Variants in ZNF45 observed in about 807,000 individuals in gnomAD.
ZNF45 encodes the protein zinc finger protein 45.
In ZNF45, 4 loss-of-function variants were observed where a neutral mutation model predicts 12.0. That is an observed-to-expected ratio of 0.33 (90% confidence interval 0.16 to 0.76). The LOEUF (loss-of-function observed/expected upper bound fraction) is 0.76. Ranked by LOEUF, ZNF45 falls within the 30% of genes least tolerant of loss-of-function variation. The probability of loss-of-function intolerance (pLI) is 0.60; values close to 1 mark genes in which losing one functional copy is unlikely to be tolerated. For missense variants in ZNF45, 700 were observed against 813.0 expected, an observed-to-expected ratio of 0.86 and a Z score of 1.69; for synonymous variants, 272 against 279.6, an observed-to-expected ratio of 0.97 and a Z score of 0.27.
Position 43,914,267 on chromosome 19 carries a change from C to T in ZNF45, c.1169G>A (p.Cys390Tyr). The change falls in exon 10 of 10, where the codon TGT becomes TAT. Residue 390 changes from cysteine (C) to tyrosine (Y), a missense_variant. Physicochemically the swap from Cys to Tyr is radical, Grantham distance 194. Coordinates refer to ENST00000269973, the MANE Select transcript of ZNF45 (RefSeq NM_003425.4). ...GCAGAAGCCTTTCCCACACTCCTCA[C>T]ATTTGTATGGCTTCTCTCCAGTGTG... ...ISHTGEKPYK[C>Y]EECGKGFCRA... The T allele has an allele frequency of 6.2e-7, 1 of 1,613,434 alleles. No homozygotes were observed. Among genetic ancestry groups the T allele is most frequent in the Non-Finnish European group, 8.5e-7 (1 of 1,179,562 alleles).
chr19:43,918,221 C>T (rs1972848712), intron 9 of ZNF45, among the ~76,000 whole-genome samples: 1 of 152,090 alleles, frequency 6.6e-6, no homozygotes, highest in African/African-American at 2.4e-5. Context: ...CTATGAGAAC[C>T]TTTATTCTAA....
chr19:43,925,599 C>T (rs752250740), intron 3 of ZNF45, 141 bp from the exon 4 acceptor site: 1 of 152,120 alleles, frequency 6.6e-6, no homozygotes, highest in Non-Finnish European at 1.5e-5. Context: ...AAACATAAAA[C>T]CTTCCAATCT....
At chr19:43,930,774 A>G (rs386747) in intron 3 of ZNF45, among the ~76,000 whole-genome samples, 54,541 of 151,882 alleles carry the variant, frequency 0.36, 9,946 homozygotes, top group Middle Eastern at 0.43. Flanking sequence ...TGTAATTTAA[A>G]TTTTTCTCAT....
At position 43,922,232 on chromosome 19, in the gene ZNF45, A is replaced by T; in HGVS notation, c.-32-15T>A. 1 of 1,569,276 alleles carries T rather than the reference A, an allele frequency of 6.4e-7. No homozygotes were observed. Among genetic ancestry groups the T allele is most frequent in the Non-Finnish European group, 8.7e-7 (1 of 1,150,506 alleles). Reference sequence around the variant, plus strand: ...AAGTGCCAAGTCTTAAGAGGGAAGGAGAAAACATGAGGGAAGGAGAAAAAA... The same window carrying T: ...AAGTGCCAAGTCTTAAGAGGGAAGGTGAAAACATGAGGGAAGGAGAAAAAA... On this transcript the variant is annotated splice_polypyrimidine_tract_variant and intron_variant, in intron 6 of 9. Coordinates refer to ENST00000269973, the MANE Select transcript of ZNF45 (RefSeq NM_003425.4).
rs1438082840 is a variant in ZNF45, at chr19:43,925,385, C to T, written c.-326G>A. On this transcript the variant is annotated 5_prime_UTR_variant, in exon 4 of 10. The change creates a new upstream start codon in the 5' untranslated region. Transcript: ENST00000269973. Reference sequence around the variant, plus strand: ...AACATGGGCTGGATTCCAGATTCCACTTGACCCTTCAGCAGAGAGCCTCTG... The same window carrying T: ...AACATGGGCTGGATTCCAGATTCCATTTGACCCTTCAGCAGAGAGCCTCTG... The T allele has an allele frequency of 6.6e-6, 1 of 152,186 alleles. No individual in the cohort carries two copies. Among genetic ancestry groups the T allele is most frequent in the East Asian group, 1.9e-4 (1 of 5,192 alleles). 9.4% of individuals were successfully genotyped at this position (152,186 alleles called of 1,614,324 possible).
chr19:43,927,220 T>C (rs1973755233), intron 3 of ZNF45, among the ~76,000 whole-genome samples: 1 of 152,200 alleles, frequency 6.6e-6, no homozygotes, highest in African/African-American at 2.4e-5. Context: ...TTCTAGGTAT[T>C]TACTTACTTA....
Position 43,914,868 on chromosome 19 carries a change from T to C in ZNF45, c.568A>G (p.Lys190Glu). The C allele has an allele frequency of 6.2e-7, 1 of 1,613,440 alleles. No homozygotes were observed. The highest frequency in any genetic ancestry group is 8.5e-7 in the Non-Finnish European group (1 of 1,179,392). ...TCACATTTTTCACATTTGTAGGGCTTCTCTCCTGCATGAGCCCTTTGGTTA... is the reference window on the plus strand; with the variant it reads ...TCACATTTTTCACATTTGTAGGGCTCCTCTCCTGCATGAGCCCTTTGGTTA... ...QINQRAHAGE[K>E]PYKCEKCDNA... Residue 190 changes from lysine to glutamate, a missense_variant, in exon 10 of 10, where the codon AAG becomes GAG. Lys to Glu is a moderately conservative substitution (Grantham distance 56). Transcript: ENST00000269973.
rs61470860 is a variant in ZNF45 at position 43,920,599 on chromosome 19, G to GTTT, written c.16-903_16-901dup. On this transcript the variant is annotated intron_variant, in intron 7 of 9. Transcript: ENST00000269973. ...AAAGAAGCACTAGCATATCGTATTG[G>GTTT]TTTTTTTTTTTTTTTTTTTGAGACA... Among the ~76,000 whole-genome samples, 86 of 76,088 alleles carry GTTT rather than the reference G, an allele frequency of 1.1e-3. 7 individuals carry two copies. Among genetic ancestry groups the GTTT allele is most frequent in the South Asian group, 4.1e-3 (6 of 1,458 alleles). The allele number at this position is 76,088 out of a possible 152,430, so 49.9% of individuals were successfully genotyped here.
Position 43,914,578 on chromosome 19 carries a change from A to C in ZNF45, c.858T>G (p.Ser286Arg), listed in dbSNP as rs1023419431. The C allele has an allele frequency of 3.1e-6, 5 of 1,611,374 alleles. No homozygotes were observed. The highest frequency in any genetic ancestry group is 3.3e-4 in the Middle Eastern group (2 of 6,074). Residue 286 changes from serine to arginine, a missense_variant, in exon 10 of 10, where the codon AGT (serine) becomes AGG (arginine). Coordinates refer to ENST00000269973, the MANE Select transcript of ZNF45 (RefSeq NM_003425.4). The part of the protein sequence containing the change: ...YKCEECGVGF[S>R]QRSYLQVHLK... ...GATGAACTTGAAGATATGATCTCTG[A>C]CTGAAGCCCACCCCACACTCCTCAC...
intron 3 of ZNF45, among the ~76,000 whole-genome samples, chr19:43,928,950 G>C (rs1973905690): frequency 6.6e-6 from 1 of 152,220 alleles, no homozygotes; most frequent in African/African-American, 2.4e-5. Context: ...TTCACATGTA[G>C]TATCTCATTT....
chr19:43,915,220 G>GA lies in ZNF45; in HGVS notation c.236-21_236-20insT, dbSNP rs757997704. ...TGGCTCCTAAAAGGATAAAGAAAATGTGGAGATGGGGCATGTGAATAATGT... is the reference window on the plus strand; with the variant it reads ...TGGCTCCTAAAAGGATAAAGAAAATGATGGAGATGGGGCATGTGAATAATGT... On this transcript the variant is annotated intron_variant, in intron 9 of 9. Transcript: ENST00000269973. 2.7e-6 allele frequency: 4 copies of GA among 1,474,826 alleles called. No individual in the cohort carries two copies. The Admixed American group carries it at 9.3e-5, about 34-fold the overall frequency. The allele number at this position is 1,474,826 out of a possible 1,614,324, so 91.4% of individuals were successfully genotyped here.
Position 43,913,295 on chromosome 19 carries a change from T to C in ZNF45, c.*92A>G. On this transcript the variant is annotated 3_prime_UTR_variant, in exon 10 of 10. Coordinates refer to ENST00000269973, the MANE Select transcript of ZNF45 (RefSeq NM_003425.4). Reference sequence around the variant, plus strand: ...CTGTGTGGTCTCCCAATCACTTGGCTGAACTACTGACTCTATAAAACAAAT... The same window carrying C: ...CTGTGTGGTCTCCCAATCACTTGGCCGAACTACTGACTCTATAAAACAAAT... The C allele has an allele frequency of 6.9e-7, 1 of 1,449,476 alleles. No individual in the cohort carries two copies. Among genetic ancestry groups the C allele is most frequent in the East Asian group, 2.3e-5 (1 of 43,614 alleles). The allele number at this position is 1,449,476 out of a possible 1,614,324, so 89.8% of individuals were successfully genotyped here. A position where few individuals can be genotyped will look rare whatever the true frequency, so the allele number is the denominator to read the frequency against.
At position 43,913,010 on chromosome 19, in the gene ZNF45, T is replaced by C; in HGVS notation, c.*377A>G. On this transcript the variant is annotated 3_prime_UTR_variant, in exon 10 of 10. Coordinates refer to ENST00000269973, the MANE Select transcript of ZNF45 (RefSeq NM_003425.4). ...ATGTCAAATATTACTGAATTTCAAATATGACAGTAATTTCAAATACTACTG... is the reference window on the plus strand; with the variant it reads ...ATGTCAAATATTACTGAATTTCAAACATGACAGTAATTTCAAATACTACTG... 1 of 168,360 alleles carries C rather than the reference T, an allele frequency of 5.9e-6. No homozygotes were observed. Among genetic ancestry groups the C allele is most frequent in the East Asian group, 1.7e-4 (1 of 5,768 alleles). The allele number at this position is 168,360 out of a possible 1,614,324, so 10.4% of individuals were successfully genotyped here.
intron 9 of ZNF45, among the ~76,000 whole-genome samples, chr19:43,916,511 A>G (rs553928420): frequency 7.2e-5 from 11 of 152,188 alleles, no homozygotes; most frequent in Non-Finnish European, 1.6e-4. Flanking sequence ...TGTTTTGACA[A>G]AGCACATATT....
chr19:43,916,203 C>A (rs1430343327), intron 9 of ZNF45, among the ~76,000 whole-genome samples: 2 of 152,096 alleles, frequency 1.3e-5, no homozygotes, highest in Non-Finnish European at 2.9e-5. Context: ...GCAGCCTCAA[C>A]CTCCTGACTC....
At chr19:43,916,365 C>T (rs1972676358) in intron 9 of ZNF45, among the ~76,000 whole-genome samples, 1 of 152,184 alleles carries the variant, frequency 6.6e-6, no homozygotes, top group African/African-American at 2.4e-5. Flanking sequence ...ATCCACCTGC[C>T]TCAGTCTCTC....
chr19:43,916,098 C>T (rs1371050127), intron 9 of ZNF45, among the ~76,000 whole-genome samples: 3 of 151,318 alleles, frequency 2.0e-5, no homozygotes, highest in East Asian at 3.9e-4. Flanking sequence ...ATTACAGGTG[C>T]GAGCCACCGG....
chr19:43,920,492 C>A (rs374670580), intron 7 of ZNF45, among the ~76,000 whole-genome samples: 1 of 124,636 alleles, frequency 8.0e-6, no homozygotes, highest in Non-Finnish European at 1.6e-5. Flanking sequence ...GCTGGTAGCA[C>A]CCCCGACCTG....
In ZNF45 at chr19:43,913,143, T is replaced by TTTCC. The variant is rs1972342502; in HGVS notation, c.*243_*244insGGAA. 1 of 378,710 alleles carries TTTCC rather than the reference T, an allele frequency of 2.6e-6. No individual in the cohort carries two copies. Among genetic ancestry groups the TTTCC allele is most frequent in the Non-Finnish European group, 4.7e-6 (1 of 211,862 alleles). The allele number at this position is 378,710 out of a possible 1,614,324, so 23.5% of individuals were successfully genotyped here. On this transcript the variant is annotated 3_prime_UTR_variant, in exon 10 of 10. Transcript: ENST00000269973. Reference sequence around the variant, plus strand: ...CTAGTGGAACAGAATTCAGCATTTCTATCTTAGTACTTCTGATTTACTCCA... The same window carrying TTTCC: ...CTAGTGGAACAGAATTCAGCATTTCTTTCCATCTTAGTACTTCTGATTTACTCCA...
Sources: allele counts gnomAD v4.1 joint callset (sites outside exome capture counted in the v4.1 genomes callset), GRCh38; gene constraint gnomAD v4.1.1; transcripts MANE v1.5; gene names NCBI Gene and HGNC (gene_info 2026-07-23, HGNC 2026-07-21).